Variants in TAFA5 observed in about 807,000 individuals in gnomAD.
TAFA5 encodes the protein TAFA chemokine like family member 5.
In TAFA5, 6 loss-of-function variants were observed where a neutral mutation model predicts 15.3. The ratio of observed to expected loss-of-function variants is 0.39; its 90% CI spans 0.21 to 0.77. The LOEUF (loss-of-function observed/expected upper bound fraction) is 0.77. TAFA5 is among the 30% of genes least tolerant of loss of function. The probability of loss-of-function intolerance (pLI) is 0.41; values close to 1 mark genes in which losing one functional copy is unlikely to be tolerated. For synonymous variants in TAFA5, 103 were observed against 80.7 expected, an observed-to-expected ratio of 1.28 and a Z score of -1.48; for missense variants, 161 against 193.1, an observed-to-expected ratio of 0.83 and a Z score of 0.98.
chr22:48,568,200 G>A (rs1027226329), intron 1 of TAFA5, among the ~76,000 whole-genome samples: 2 of 152,238 alleles, frequency 1.3e-5, no homozygotes, highest in African/African-American at 4.8e-5. Context: ...GCTGGTCAGC[G>A]AGAGAAAGCA....
At chr22:48,670,621 G>C (rs1927772511) in intron 2 of TAFA5, among the ~76,000 whole-genome samples, 1 of 152,272 alleles carries the variant, frequency 6.6e-6, no homozygotes, top group African/African-American at 2.4e-5. Context: ...GCCTGGGCAG[G>C]GTCGAACCCA....
At chr22:48,561,472 G>A (rs573253474) in intron 1 of TAFA5, among the ~76,000 whole-genome samples, 7 of 152,102 alleles carry the variant, frequency 4.6e-5, no homozygotes, top group Admixed American at 2.6e-4. Flanking sequence ...GCCTCGTTTC[G>A]TGGATGAAAA....
intron 1 of TAFA5, among the ~76,000 whole-genome samples, chr22:48,538,735 G>A (rs1342988911): frequency 3.9e-5 from 6 of 152,130 alleles, no homozygotes; most frequent in Admixed American, 1.3e-4. Context: ...CTCAACCTCC[G>A]GAGCTCATTG....
At chr22:48,701,456 C>A (rs1258629060) in intron 2 of TAFA5, among the ~76,000 whole-genome samples, 1 of 152,146 alleles carries the variant, frequency 6.6e-6, no homozygotes, top group Non-Finnish European at 1.5e-5. Context: ...CCCTGCCTGC[C>A]CGCTGGGAGT....
Position 48,707,830 on chromosome 22 carries a change from A to G in TAFA5, c.376A>G (p.Ile126Val). The G allele has an allele frequency of 6.2e-7, 1 of 1,613,506 alleles. No individual in the cohort carries two copies. The highest frequency in any genetic ancestry group is 8.5e-7 in the Non-Finnish European group (1 of 1,179,790). ...GACGTGCACGCAGCCCGGCGGGAGG[A>G]TAAAGACCACCACGGTATGTGGCCC... ...GWTCTQPGGR[I>V]KTTTVS The change falls in exon 3 of 4, where the codon ATA (isoleucine) becomes GTA (valine). Residue 126 changes from isoleucine to valine, a missense_variant. By Grantham distance (29) the Ile-to-Val change is conservative (BLOSUM62 3). Transcript: ENST00000402357.
chr22:48,607,373 A>C (rs112009564), intron 1 of TAFA5, among the ~76,000 whole-genome samples: 399 of 46,234 alleles, frequency 8.6e-3, no homozygotes, highest in Middle Eastern at 0.026. Context: ...CTGATTAGGG[A>C]TGGCCCACCC....
At chr22:48,521,969 G>T (rs189500859) in intron 1 of TAFA5, among the ~76,000 whole-genome samples, 1 of 152,196 alleles carries the variant, frequency 6.6e-6, no homozygotes, top group Non-Finnish European at 1.5e-5. Context: ...GACAGAGGCC[G>T]AGCTCCCGGC....
chr22:48,677,477 G>A (rs1044606413), intron 2 of TAFA5, among the ~76,000 whole-genome samples: 1 of 152,214 alleles, frequency 6.6e-6, no homozygotes, highest in East Asian at 1.9e-4. Flanking sequence ...ACTGCTCCCC[G>A]GCAAGTCTTC....
chr22:48,618,664 G>T (rs902696119), intron 1 of TAFA5, among the ~76,000 whole-genome samples: 2 of 152,238 alleles, frequency 1.3e-5, no homozygotes, highest in African/African-American at 4.8e-5. Context: ...GGTCCCGGAG[G>T]CAGTGTGCAC....
intron 2 of TAFA5, among the ~76,000 whole-genome samples, chr22:48,669,684 C>T (rs745838190): frequency 2.0e-4 from 31 of 152,308 alleles, no homozygotes; most frequent in Non-Finnish European, 3.4e-4. Context: ...CTTAAATGAC[C>T]GAGTCAGGCT....
chr22:48,595,175 G>A (rs1427809198), intron 1 of TAFA5, among the ~76,000 whole-genome samples: 1 of 152,152 alleles, frequency 6.6e-6, no homozygotes, highest in Non-Finnish European at 1.5e-5. Context: ...CCCAATTGGG[G>A]CCCGCCAGTG....
intron 1 of TAFA5, among the ~76,000 whole-genome samples, chr22:48,644,436 C>T (rs1244316816): frequency 6.6e-6 from 1 of 152,246 alleles, no homozygotes; most frequent in African/African-American, 2.4e-5. Flanking sequence ...CAGCTCCATG[C>T]CCTGCACCAT....
At chr22:48,644,010 C>T (rs556363136) in intron 1 of TAFA5, among the ~76,000 whole-genome samples, 8 of 152,342 alleles carry the variant, frequency 5.3e-5, no homozygotes, top group African/African-American at 1.7e-4. Context: ...CGTCCAGATG[C>T]GTGTTGCCCC....
chr22:48,623,203 T>C (rs1925902250), intron 1 of TAFA5, among the ~76,000 whole-genome samples: 1 of 152,160 alleles, frequency 6.6e-6, no homozygotes, highest in Non-Finnish European at 1.5e-5. Flanking sequence ...AGCCGCAGCC[T>C]GTTGCGTGGC....
At chr22:48,555,853 C>T (rs895136643) in intron 1 of TAFA5, among the ~76,000 whole-genome samples, 1 of 152,226 alleles carries the variant, frequency 6.6e-6, no homozygotes, top group East Asian at 1.9e-4. Flanking sequence ...TCTCAAGGAA[C>T]AGCTGCTTCA....
Position 48,560,372 on chromosome 22 carries a change from G to A in TAFA5, c.112+70668G>A, listed in dbSNP as rs8137136. On this transcript the variant is annotated intron_variant, in intron 1 of 3. Transcript: ENST00000402357. This position sits in a 1 kb window ranked among gnomAD's most constrained non-coding sequence, Gnocchi z 4.2. Reference sequence around the variant, plus strand: ...CAGGCCCCCCAGCATTTCCATTCTCGGCCTCCAATCCCTGGAGACCACACG... The same window carrying A: ...CAGGCCCCCCAGCATTTCCATTCTCAGCCTCCAATCCCTGGAGACCACACG... Among the ~76,000 whole-genome samples the A allele has an allele frequency of 0.27, 40,572 of 151,894 alleles. 6,587 individuals are homozygous for A. The highest frequency in any genetic ancestry group is 0.4 in the South Asian group (1,901 of 4,806).
At chr22:48,594,629 C>T (rs1485746539) in intron 1 of TAFA5, among the ~76,000 whole-genome samples, 1 of 152,230 alleles carries the variant, frequency 6.6e-6, no homozygotes, top group Non-Finnish European at 1.5e-5. Context: ...ATCTCTGCAT[C>T]CTGCCTTTGA....
intron 1 of TAFA5, among the ~76,000 whole-genome samples, chr22:48,575,098 C>A (rs1923716295): frequency 6.6e-6 from 1 of 152,146 alleles, no homozygotes; most frequent in Non-Finnish European, 1.5e-5. Context: ...AGCCGCTGGT[C>A]GGGCCCGGCT....
intron 2 of TAFA5, among the ~76,000 whole-genome samples, chr22:48,671,618 C>T (rs901403431): frequency 1.3e-5 from 2 of 152,262 alleles, no homozygotes; most frequent in Admixed American, 1.3e-4. Context: ...GTCAGCGAGC[C>T]TGAGTTTAAA....
Sources: gnomAD v4.1 joint callset for allele counts (sites outside exome capture counted in the v4.1 genomes callset) on GRCh38, gnomAD v4.1.1 for gene constraint, Gnocchi (gnomAD v3.1) non-coding constraint, MANE v1.5 for transcripts, NCBI Gene and HGNC (gene_info 2026-07-23, HGNC 2026-07-21) for gene names.